The following EPC1 variants were observed in gnomAD, a reference collection of about 807,000 sequenced individuals.
EPC1 encodes enhancer of polycomb 1.
Under a neutral mutation model 98.4 loss-of-function variants are expected in EPC1, and 12 were observed. The observed-to-expected ratio is 0.12, with a 90% CI of 0.08 to 0.20. The LOEUF is 0.20. EPC1 is among the 10% of genes least tolerant of loss of function. The probability of loss-of-function intolerance (pLI) is 1.00; values close to 1 mark genes in which losing one functional copy is unlikely to be tolerated. For synonymous variants in EPC1, 357 were observed against 363.9 expected, an observed-to-expected ratio of 0.98 and a Z score of 0.21; for missense variants, 729 against 990.5, an observed-to-expected ratio of 0.74 and a Z score of 3.54.
At chr10:32,316,910 TTAAAAAA>T (rs1438858570) in intron 1 of EPC1, among the ~76,000 whole-genome samples, 2 of 152,210 alleles carry the variant, frequency 1.3e-5, no homozygotes, top group African/African-American at 2.4e-5. Flanking sequence ...TTAAATGCCT[TTAAAAAA>T]TAAGATGAAT....
chr10:32,287,393 G>T, intron 6 of EPC1, 119 bp from the exon 7 acceptor site: 1 of 955,930 alleles, frequency 1.0e-6, no homozygotes, highest in Non-Finnish European at 1.6e-6. Context: ...ATTCATAAGA[G>T]ACACAACACT....
intron 1 of EPC1, among the ~76,000 whole-genome samples, chr10:32,335,516 C>T (rs1268598955): frequency 6.6e-6 from 1 of 151,970 alleles, no homozygotes; most frequent in Non-Finnish European, 1.5e-5. Context: ...ATGCCACAGA[C>T]TTGTGGATGG....
intron 6 of EPC1, among the ~76,000 whole-genome samples, chr10:32,289,038 A>G (rs1017221675): frequency 2.6e-5 from 4 of 152,048 alleles, no homozygotes; most frequent in Non-Finnish European, 5.9e-5. Context: ...GCAGTGAGCC[A>G]AGATTGCGCC....
At chr10:32,348,111 T>C (rs1838975617), upstream of EPC1, among the ~76,000 whole-genome samples, 1 of 152,176 alleles carries the variant, frequency 6.6e-6, no homozygotes, top group Admixed American at 6.5e-5. Flanking sequence ...ACTTTCATCA[T>C]TTGTCCTCTG....
intron 1 of EPC1, among the ~76,000 whole-genome samples, chr10:32,343,006 ATAATCT>A (rs975298611): frequency 1.3e-5 from 2 of 152,248 alleles, no homozygotes; most frequent in Non-Finnish European, 2.9e-5. Flanking sequence ...TAATTAAATT[ATAATCT>A]TAAAGTTAAC....
chr10:32,302,981 C>T (rs2132803633), intron 2 of EPC1, among the ~76,000 whole-genome samples: 1 of 152,188 alleles, frequency 6.6e-6, no homozygotes, highest in South Asian at 2.1e-4. Context: ...TGCAACTACA[C>T]TCATGAATAT....
intron 10 of EPC1, chr10:32,274,007 G>A (rs1402350186): frequency 1.3e-5 from 2 of 151,850 alleles, no homozygotes; most frequent in East Asian, 1.9e-4. Context: ...ACTGTGTTAT[G>A]CTACTTATGT....
chr10:32,346,621 G>C (rs1838839727), intron 1 of EPC1, 142 bp downstream of exon 1: 1 of 824,224 alleles, frequency 1.2e-6, no homozygotes, highest in Non-Finnish European at 1.9e-6. Flanking sequence ...GGGGAGGCGG[G>C]GTATAGGCCC....
intron 1 of EPC1, among the ~76,000 whole-genome samples, chr10:32,328,565 G>A (rs1311179846): frequency 6.6e-6 from 1 of 152,196 alleles, no homozygotes; most frequent in Non-Finnish European, 1.5e-5. Context: ...TACTTCAGAT[G>A]AGGCTAAGGA....
chr10:32,341,884 G>C (rs1045693540), intron 1 of EPC1, among the ~76,000 whole-genome samples: 2 of 152,096 alleles, frequency 1.3e-5, no homozygotes, highest in African/African-American at 4.8e-5. Flanking sequence ...GCCCATTACC[G>C]ATACTTTGAG....
intron 1 of EPC1, among the ~76,000 whole-genome samples, chr10:32,364,256 A>T (rs1318819086): frequency 6.7e-6 from 1 of 150,034 alleles, no homozygotes; most frequent in East Asian, 2.0e-4. Flanking sequence ...CCGGTCTCGA[A>T]CTCTTGTCCT....
chr10:32,369,586 G>A (rs1407862284), intron 1 of EPC1, among the ~76,000 whole-genome samples: 1 of 152,054 alleles, frequency 6.6e-6, no homozygotes, highest in Non-Finnish European at 1.5e-5. Flanking sequence ...AGGTCATAAC[G>A]GTTCTTTTAA....
At chr10:32,329,537 A>T (rs755212725) in intron 1 of EPC1, among the ~76,000 whole-genome samples, 25 of 152,248 alleles carry the variant, frequency 1.6e-4, no homozygotes, top group Non-Finnish European at 3.2e-4. Context: ...AATGAGGGCT[A>T]GCAGTTAAGC....
chr10:32,304,826 G>C (rs957644277), intron 2 of EPC1, among the ~76,000 whole-genome samples: 1 of 150,958 alleles, frequency 6.6e-6, no homozygotes, highest in Non-Finnish European at 1.5e-5. Flanking sequence ...GGCTGAGGCA[G>C]GAGAATCCCT....
chr10:32,346,654 G>T, intron 1 of EPC1, 109 bp downstream of exon 1: 1 of 1,090,104 alleles, frequency 9.2e-7, no homozygotes, highest in Non-Finnish European at 1.3e-6. Flanking sequence ...AGAGTCGGCG[G>T]CGAAGAGAAG....
intron 10 of EPC1, among the ~76,000 whole-genome samples, chr10:32,280,246 G>A (rs1400214908): frequency 6.6e-6 from 1 of 152,176 alleles, no homozygotes; most frequent in African/African-American, 2.4e-5. Flanking sequence ...CTTGAGGTCA[G>A]GAGTTCAAGA....
At chr10:32,321,424 G>A (rs1196242183) in intron 1 of EPC1, among the ~76,000 whole-genome samples, 2 of 151,644 alleles carry the variant, frequency 1.3e-5, no homozygotes, top group African/African-American at 2.4e-5. Context: ...AAGCACAAAC[G>A]GCACTTTACA....
chr10:32,342,269 A>G (rs1838413045), intron 1 of EPC1, among the ~76,000 whole-genome samples: 1 of 152,214 alleles, frequency 6.6e-6, no homozygotes, highest in South Asian at 2.1e-4. Context: ...GCTCCAGATA[A>G]AGGGACTAAA....
chr10:32,367,908 A>G (rs1229687369), intron 1 of EPC1, among the ~76,000 whole-genome samples: 1 of 152,224 alleles, frequency 6.6e-6, no homozygotes, highest in Non-Finnish European at 1.5e-5. Context: ...TACTAATATA[A>G]GTAGCCTTAT....
Sources: gnomAD v4.1 joint callset for allele counts (sites outside exome capture counted in the v4.1 genomes callset) on GRCh38, gnomAD v4.1.1 for gene constraint, MANE v1.5 for transcripts, NCBI Gene and HGNC (gene_info 2026-07-23, HGNC 2026-07-21) for gene names.